Variants in NTNG1 observed in about 807,000 individuals in gnomAD.
NTNG1 encodes the protein netrin G1, also known as netrin-G1.
NTNG1 carries 16 observed loss-of-function variants against 54.0 expected under a neutral mutation model. That is an observed-to-expected ratio of 0.30 (90% CI 0.20 to 0.45). The LOEUF (loss-of-function observed/expected upper bound fraction) is 0.45. Among genes scored for constraint, NTNG1 ranks in the 20% least tolerant of loss-of-function variants. The probability of loss-of-function intolerance (pLI) is 1.00; values close to 1 mark genes in which losing one functional copy is unlikely to be tolerated. For synonymous variants in NTNG1, 255 were observed against 263.1 expected, an observed-to-expected ratio of 0.97 and a Z score of 0.30; for missense variants, 530 against 678.7, an observed-to-expected ratio of 0.78 and a Z score of 2.43.
chr1:107,261,774 C>T (rs1459983354), intron 2 of NTNG1, among the ~76,000 whole-genome samples: 2 of 152,094 alleles, frequency 1.3e-5, no homozygotes, highest in East Asian at 1.9e-4. Flanking sequence ...ACCCGGGAGG[C>T]GGAGCTTGCA....
intron 4 of NTNG1, among the ~76,000 whole-genome samples, chr1:107,398,884 A>T (rs764929323): frequency 3.3e-5 from 5 of 152,074 alleles, no homozygotes; most frequent in Non-Finnish European, 7.4e-5. Flanking sequence ...GATTCTCTTG[A>T]TTCCCCATTG....
intron 2 of NTNG1, among the ~76,000 whole-genome samples, chr1:107,282,347 A>G (rs1397925775): frequency 2.6e-5 from 4 of 152,112 alleles, no homozygotes; most frequent in African/African-American, 9.7e-5. Flanking sequence ...ATTCTAATTA[A>G]CACCCTGGGA....
At chr1:107,143,425 G>T (rs954119401) in intron 1 of NTNG1, 6 of 151,964 alleles carry the variant, frequency 3.9e-5, no homozygotes. Flanking sequence ...CAGGTAATTT[G>T]TTTAAAAAGT....
chr1:107,146,555 T>C (rs1301001914), intron 1 of NTNG1, among the ~76,000 whole-genome samples: 1 of 152,092 alleles, frequency 6.6e-6, no homozygotes, highest in East Asian at 1.9e-4. Flanking sequence ...AAATGGGCTT[T>C]ACCCAGTATA....
intron 3 of NTNG1, among the ~76,000 whole-genome samples, chr1:107,371,906 C>A (rs965142959): frequency 6.6e-6 from 1 of 151,954 alleles, no homozygotes; most frequent in Non-Finnish European, 1.5e-5. Context: ...AATGGTTCAG[C>A]ATCCCTAATA....
chr1:107,434,244 C>G (rs1675459285), intron 6 of NTNG1, among the ~76,000 whole-genome samples: 1 of 152,184 alleles, frequency 6.6e-6, no homozygotes, highest in South Asian at 2.1e-4. Context: ...TTGTAAAATA[C>G]TTGCATCATT....
chr1:107,419,918 C>A (rs1557984933), intron 5 of NTNG1, among the ~76,000 whole-genome samples: 1 of 151,980 alleles, frequency 6.6e-6, no homozygotes, highest in South Asian at 2.1e-4. Context: ...CAAGTTTCTG[C>A]ATACATATAT....
intron 7 of NTNG1, among the ~76,000 whole-genome samples, chr1:107,443,414 G>A (rs949943841): frequency 1.8e-5 from 1 of 55,290 alleles, no homozygotes; most frequent in East Asian, 5.8e-4. Flanking sequence ...CTTTTTGGAG[G>A]GGATAGGGGA....
At chr1:107,281,098 T>C (rs1664828927) in intron 2 of NTNG1, among the ~76,000 whole-genome samples, 1 of 152,144 alleles carries the variant, frequency 6.6e-6, no homozygotes, top group Admixed American at 6.6e-5. Context: ...TCAACAGTCC[T>C]CTTATAGCAC....
intron 2 of NTNG1, among the ~76,000 whole-genome samples, chr1:107,211,027 G>A (rs1317225165): frequency 6.6e-6 from 1 of 152,054 alleles, no homozygotes; most frequent in Non-Finnish European, 1.5e-5. Flanking sequence ...CTCTGAACGT[G>A]CACTGTACTC....
At chr1:107,220,399 T>C (rs1269859012) in intron 2 of NTNG1, among the ~76,000 whole-genome samples, 1 of 152,238 alleles carries the variant, frequency 6.6e-6, no homozygotes, top group Non-Finnish European at 1.5e-5. Context: ...ATGATGTGGG[T>C]TTCCACATGC....
chr1:107,230,533 T>C (rs1661003660), intron 2 of NTNG1, among the ~76,000 whole-genome samples: 1 of 152,202 alleles, frequency 6.6e-6, no homozygotes, highest in South Asian at 2.1e-4. Flanking sequence ...ACTGAGTCAA[T>C]AGAATAGGAT....
intron 6 of NTNG1, among the ~76,000 whole-genome samples, chr1:107,431,630 C>A (rs1449191821): frequency 6.6e-6 from 1 of 152,246 alleles, no homozygotes; most frequent in South Asian, 2.1e-4. Context: ...GACCAGGCAC[C>A]TTTCCCACCC....
chr1:107,233,357 T>A (rs1250088542), intron 2 of NTNG1, among the ~76,000 whole-genome samples: 1 of 152,218 alleles, frequency 6.6e-6, no homozygotes, highest in Non-Finnish European at 1.5e-5. Flanking sequence ...ATGAAGTCTC[T>A]TGAACTCTAG....
At chr1:107,427,299 G>A (rs1674973655) in intron 5 of NTNG1, among the ~76,000 whole-genome samples, 2 of 152,176 alleles carry the variant, frequency 1.3e-5, no homozygotes, top group Middle Eastern at 6.8e-3. Context: ...TATATAAAAG[G>A]AAGTGATTAT....
At chr1:107,144,469 G>A (rs749164975) in intron 1 of NTNG1, among the ~76,000 whole-genome samples, 1 of 152,076 alleles carries the variant, frequency 6.6e-6, no homozygotes, top group African/African-American at 2.4e-5. Context: ...AGCTAGATTA[G>A]GAGATTTACT....
chr1:107,409,020 A>T (rs1040926272), intron 5 of NTNG1: 4 of 152,186 alleles, frequency 2.6e-5, no homozygotes, highest in Admixed American at 6.6e-5. Flanking sequence ...AAAATTGGCC[A>T]CTTTGTAAAT....
intron 3 of NTNG1, among the ~76,000 whole-genome samples, chr1:107,378,022 A>G (rs1671408119): frequency 6.6e-6 from 1 of 152,254 alleles, no homozygotes; most frequent in South Asian, 2.1e-4. Flanking sequence ...AGAACTGCCA[A>G]TCGGTTTCAT....
chr1:107,242,501 A>G (rs1661910243), intron 2 of NTNG1, among the ~76,000 whole-genome samples: 1 of 152,198 alleles, frequency 6.6e-6, no homozygotes, highest in Admixed American at 6.5e-5. Flanking sequence ...ACAATTGCAG[A>G]TTAGCCTCTG....
Sources: allele counts gnomAD v4.1 joint callset (sites outside exome capture counted in the v4.1 genomes callset), GRCh38; gene constraint gnomAD v4.1.1; transcripts MANE v1.5; gene names NCBI Gene and HGNC (gene_info 2026-07-23, HGNC 2026-07-21).